Variants in ASPH observed in about 807,000 individuals in gnomAD.
The protein encoded by ASPH is aspartyl/asparaginyl beta-hydroxylase.
Under a neutral mutation model 118.4 loss-of-function variants are expected in ASPH, and 100 were observed. The ratio of observed to expected loss-of-function variants is 0.84; its 90% confidence interval spans 0.72 to 1.00. The LOEUF is 1.00. ASPH is among the 50% of genes least tolerant of loss of function. The pLI is 0.00. For synonymous variants in ASPH, 315 were observed against 325.6 expected, an observed-to-expected ratio of 0.97 and a Z score of 0.35; for missense variants, 920 against 919.5, an observed-to-expected ratio of 1.00 and a Z score of -0.01.
At chr8:61,512,214 G>A (rs543250261) in intron 24 of ASPH, among the ~76,000 whole-genome samples, 41 of 152,210 alleles carry the variant, frequency 2.7e-4, no homozygotes, top group African/African-American at 8.2e-4. Context: ...CCCCTTCCCT[G>A]CTAAAAACGA....
At chr8:61,664,863 C>T in intron 3 of ASPH, 1 of 993,518 alleles carries the variant, frequency 1.0e-6, no homozygotes. Flanking sequence ...ATCCATCTCC[C>T]TGAGTATTTA....
At chr8:61,609,355 G>T (rs1471366810) in intron 14 of ASPH, among the ~76,000 whole-genome samples, 1 of 143,814 alleles carries the variant, frequency 7.0e-6, no homozygotes, top group Non-Finnish European at 1.5e-5. Context: ...AGACAGATTT[G>T]CCTGCTGCCT....
chr8:61,642,926 A>C lies in ASPH; in HGVS notation c.758-6T>G. The C allele has an allele frequency of 1.9e-6, 3 of 1,565,624 alleles. No individual in the cohort carries two copies. Among genetic ancestry groups the C allele is most frequent in the Non-Finnish European group, 2.6e-6 (3 of 1,164,780 alleles). On this transcript the variant is annotated splice_polypyrimidine_tract_variant and splice_region_variant and intron_variant, in intron 9 of 24. Coordinates refer to ENST00000379454, the MANE Select transcript of ASPH (RefSeq NM_004318.4). ...GACTTGGTATGTTACATCATCTGAA[A>C]AAAAAAAGAGAATAAAAGCAAAATA... is the stretch of plus-strand genomic sequence containing the variant.
intron 6 of ASPH, 67 bp from the exon 7 acceptor site, chr8:61,644,699 T>G: frequency 1.7e-6 from 2 of 1,210,794 alleles, no homozygotes; most frequent in Non-Finnish European, 2.3e-6. Flanking sequence ...ATCCCGTATA[T>G]GTACTCTGAA....
chr8:61,574,342 T>A (rs543864434), intron 16 of ASPH, among the ~76,000 whole-genome samples: 2 of 152,314 alleles, frequency 1.3e-5, no homozygotes, highest in East Asian at 3.9e-4. Flanking sequence ...GCAATCCCAT[T>A]ACTGGGTATA....
At position 61,500,963 on chromosome 8, in the gene ASPH, T is replaced by G. The variant is rs551704952; in HGVS notation, c.*2396A>C. On this transcript the variant is annotated 3_prime_UTR_variant, in exon 25 of 25. Coordinates refer to ENST00000379454, the MANE Select transcript of ASPH (RefSeq NM_004318.4). ...ATTACATCATCTCTTTCTCAATGGA[T>G]CTAATGTTTTAATTTTTTCCCCTAT... 17 of 152,310 alleles carry G rather than the reference T, an allele frequency of 1.1e-4. No individual in the cohort carries two copies. The highest frequency in any genetic ancestry group is 2.9e-4 in the African/African-American group (12 of 41,562). The allele number at this position is 152,310 out of a possible 1,614,324, so 9.4% of individuals were successfully genotyped here.
chr8:61,683,764 G>A (rs1336695004), intron 2 of ASPH: 4 of 301,068 alleles, frequency 1.3e-5, no homozygotes, highest in Non-Finnish European at 2.4e-5. Flanking sequence ...ACTGCATATA[G>A]TGAGAATGAG....
intron 3 of ASPH, among the ~76,000 whole-genome samples, chr8:61,677,165 T>C (rs953726270): frequency 6.6e-6 from 1 of 152,160 alleles, no homozygotes; most frequent in Non-Finnish European, 1.5e-5. Context: ...TTAGCTTCTA[T>C]TGCTAAGACC....
chr8:61,662,156 A>C (rs1817258290), intron 3 of ASPH, among the ~76,000 whole-genome samples: 1 of 152,186 alleles, frequency 6.6e-6, no homozygotes, highest in Non-Finnish European at 1.5e-5. Flanking sequence ...ATTAGCACTC[A>C]AATATTTTCA....
intron 21 of ASPH, among the ~76,000 whole-genome samples, chr8:61,532,184 CTCA>C (rs547411179): frequency 2.5e-4 from 38 of 152,114 alleles, no homozygotes; most frequent in Non-Finnish European, 4.9e-4. Context: ...TCTTTGCATC[CTCA>C]TCAACACTTG....
At chr8:61,600,309 A>C (rs1843612839) in intron 14 of ASPH, among the ~76,000 whole-genome samples, 23 of 148,010 alleles carry the variant, frequency 1.6e-4, no homozygotes, top group African/African-American at 6.1e-4. Context: ...CTTTCCTCTA[A>C]GAACTGAAAT....
Position 61,714,427 on chromosome 8 carries a change from T to G in ASPH, c.-56A>C. The G allele has an allele frequency of 7.3e-7, 1 of 1,378,234 alleles. No individual in the cohort carries two copies. Among genetic ancestry groups the G allele is most frequent in the South Asian group, 1.6e-5 (1 of 62,536 alleles). 85.4% of individuals were successfully genotyped at this position (1,378,234 alleles called of 1,614,324 possible). The stretch of plus-strand genomic sequence containing the variant: ...GCGGACCTCCTTCAGTGCGCGGGGG[T>G]ACACACGCGACGCGGGAACCGCTGG... On this transcript the variant is annotated 5_prime_UTR_variant, in exon 1 of 25. Coordinates refer to ENST00000379454, the MANE Select transcript of ASPH (RefSeq NM_004318.4).
At chr8:61,576,964 C>A (rs1456226261) in intron 15 of ASPH, 106 bp from the exon 16 acceptor site, 19 of 943,390 alleles carry the variant, frequency 2.0e-5, no homozygotes, top group Non-Finnish European at 2.9e-5. Flanking sequence ...TTCCTAGATT[C>A]CATCCTGAGT....
chr8:61,587,098 C>T (rs1407194958), intron 14 of ASPH, among the ~76,000 whole-genome samples: 1 of 152,178 alleles, frequency 6.6e-6, no homozygotes, highest in African/African-American at 2.4e-5. Context: ...ACACTCTGAT[C>T]ATCTTTTAAT....
rs758365723 is a variant in ASPH at position 61,567,252 on chromosome 8, G to C, written c.1216C>G (p.Gln406Glu). ...ACATCAGGTAGGCTGGCCACCTCTT[G>C]GTAGGTCTCGATGGCTCCACGTAGC... ...EVLRGAIETY[Q>E]EVASLPDVPA... Residue 406 changes from glutamine (Q) to glutamate (E), a missense_variant, in exon 17 of 25, where the codon CAA becomes GAA. Transcript: ENST00000379454. 5 of 1,613,820 alleles carry C rather than the reference G, an allele frequency of 3.1e-6. No individual in the cohort carries two copies. Among genetic ancestry groups the C allele is most frequent in the Admixed American group, 1.7e-5 (1 of 59,978 alleles).
chr8:61,574,580 C>T (rs1301078025), intron 16 of ASPH, among the ~76,000 whole-genome samples: 1 of 152,172 alleles, frequency 6.6e-6, no homozygotes, highest in Non-Finnish European at 1.5e-5. Context: ...CCATCATTCT[C>T]AGCAAACTAA....
chr8:61,539,738 G>GTGTGTGTGTGTC (rs1290022594), intron 21 of ASPH, among the ~76,000 whole-genome samples: 4 of 144,136 alleles, frequency 2.8e-5, no homozygotes, highest in South Asian at 2.2e-4. Flanking sequence ...GTGTGTGTGT[G>GTGTGTGTGTGTC]TGTCTGTCCC....
intron 16 of ASPH, among the ~76,000 whole-genome samples, chr8:61,573,620 T>G (rs557793964): frequency 6.6e-6 from 1 of 152,308 alleles, no homozygotes; most frequent in South Asian, 2.1e-4. Flanking sequence ...GGGAAAGGAT[T>G]CCCTATTTAA....
chr8:61,503,496 C>T lies in ASPH; in HGVS notation c.2140G>A (p.Gly714Ser). 1 of 1,611,378 alleles carries T rather than the reference C, an allele frequency of 6.2e-7. No individual in the cohort carries two copies. The highest frequency in any genetic ancestry group is 8.5e-7 in the Non-Finnish European group (1 of 1,178,698). ...CANETKTWEE[G>S]KVLIFDDSFE... The stretch of plus-strand genomic sequence containing the variant: ...GAGTCATCAAAGATGAGCACCTTGC[C>T]TTCCTCCCAGGTCCTGCAGCAGAAA... The change falls in exon 25 of 25, where the codon GGC becomes AGC. Residue 714 changes from glycine to serine, a missense_variant. Coordinates refer to ENST00000379454, the MANE Select transcript of ASPH (RefSeq NM_004318.4).
Sources: allele counts gnomAD v4.1 joint callset (sites outside exome capture counted in the v4.1 genomes callset), GRCh38; gene constraint gnomAD v4.1.1; transcripts MANE v1.5; gene names NCBI Gene and HGNC (gene_info 2026-07-23, HGNC 2026-07-21).